The following ERICH6B variants were observed in gnomAD, a reference collection of about 807,000 sequenced individuals.
ERICH6B encodes glutamate rich 6B.
ERICH6B carries 69 observed loss-of-function variants against 80.0 expected under a neutral mutation model. The observed-to-expected ratio is 0.86, with a 90% CI of 0.71 to 1.05. ERICH6B has a LOEUF of 1.05. Among genes scored for constraint, ERICH6B ranks in the 50% least tolerant of loss-of-function variants. The pLI, the probability that ERICH6B is intolerant of heterozygous loss-of-function variation, is 0.00. For missense variants in ERICH6B, 754 were observed against 796.1 expected (o/e 0.95, Z 0.64); for synonymous variants, 283 against 291.9 (o/e 0.97, Z 0.31).
intron 13 of ERICH6B, 64 bp from the exon 14 acceptor site, chr13:45,545,049 T>A: frequency 7.7e-7 from 1 of 1,294,438 alleles, no homozygotes; most frequent in Non-Finnish European, 1.1e-6. Flanking sequence ...GCTCCTCCTC[T>A]TCTCCTTCCC....
chr13:45,583,739 G>T (rs1477421578), intron 5 of ERICH6B, among the ~76,000 whole-genome samples: 3 of 152,136 alleles, frequency 2.0e-5, no homozygotes, highest in Non-Finnish European at 4.4e-5. Context: ...CTTTCGTTTG[G>T]TTCTCAGTTC....
At chr13:45,547,037 T>C (rs1218351478) in intron 13 of ERICH6B, among the ~76,000 whole-genome samples, 2 of 152,202 alleles carry the variant, frequency 1.3e-5, no homozygotes, top group Non-Finnish European at 2.9e-5. Flanking sequence ...AACAAAAACC[T>C]GGGCTCTGGA....
At chr13:45,554,526 C>A (rs909567115) in intron 11 of ERICH6B, among the ~76,000 whole-genome samples, 11 of 152,186 alleles carry the variant, frequency 7.2e-5, no homozygotes, top group African/African-American at 2.2e-4. Flanking sequence ...TCTTGAGATG[C>A]TTTCTGTTCG....
Position 45,596,506 on chromosome 13 carries a change from TC to T in ERICH6B, c.499del (p.Glu167ArgfsTer10). The T allele has an allele frequency of 6.4e-7, 1 of 1,551,676 alleles. No homozygotes were observed. The highest frequency in any genetic ancestry group is 8.7e-7 in the Non-Finnish European group (1 of 1,146,618). ...ATATGATTTCTTCCCCAGATACTCCTCCTCCTCCAGATACGCTTTCTTCCCC... is the reference window on the plus strand; with the variant it reads ...ATATGATTTCTTCCCCAGATACTCCTCTCCTCCAGATACGCTTTCTTCCCC... ...YLGKKAYLEEEEYLGKKSYLE... is the reference protein window; with the variant it reads ...YLGKKAYLEEXEYLGKKSYLE... On this transcript the variant is annotated frameshift_variant, in exon 3 of 15. Coordinates refer to ENST00000298738, the MANE Select transcript of ERICH6B (RefSeq NM_182542.3). LOFTEE classifies it high-confidence loss of function.
intron 14 of ERICH6B, among the ~76,000 whole-genome samples, chr13:45,542,595 C>T (rs966295004): frequency 9.2e-5 from 14 of 152,214 alleles, no homozygotes; most frequent in African/African-American, 2.4e-4. Context: ...CCTGCAGCCT[C>T]GCTGGGCACC....
intron 13 of ERICH6B, among the ~76,000 whole-genome samples, chr13:45,548,808 A>G (rs1325775272): frequency 6.6e-6 from 1 of 152,202 alleles, no homozygotes; most frequent in Non-Finnish European, 1.5e-5. Context: ...TCTATACACA[A>G]GGCATTCAGG....
intron 9 of ERICH6B, 43 bp downstream of exon 9, chr13:45,568,272 C>T (rs1443291280): frequency 6.7e-7 from 1 of 1,490,350 alleles, no homozygotes; most frequent in South Asian, 1.4e-5. Context: ...CTCTGGCATA[C>T]CCAAATCCAC....
rs908138160 is a variant in ERICH6B, at chr13:45,596,484, T to A, written c.522A>T (p.Ser174=). Reference sequence around the variant, plus strand: ...CCAGAGCCTTTTCCTCTTCTAGATATGATTTCTTCCCCAGATACTCCTCCT... The same window carrying A: ...CCAGAGCCTTTTCCTCTTCTAGATAAGATTTCTTCCCCAGATACTCCTCCT... The part of the protein sequence containing the change: ...LEEEEYLGKK[S]YLEEEKALEK... The change falls in exon 3 of 15, where the codon TCA becomes TCT. Residue 174 remains serine, a synonymous_variant. Coordinates refer to ENST00000298738, the MANE Select transcript of ERICH6B (RefSeq NM_182542.3). 8 of 1,551,452 alleles carry A rather than the reference T, an allele frequency of 5.2e-6. No homozygotes were observed. The highest frequency in any genetic ancestry group is 3.9e-5 in the Admixed American group (2 of 50,970).
chr13:45,573,773 T>C (rs1416893311), intron 8 of ERICH6B, among the ~76,000 whole-genome samples: 3 of 152,206 alleles, frequency 2.0e-5, no homozygotes, highest in African/African-American at 7.2e-5. Flanking sequence ...TGCCACCTGA[T>C]ATAGCAAAAC....
chr13:45,546,960 C>T (rs1874018146), intron 13 of ERICH6B, among the ~76,000 whole-genome samples: 1 of 152,188 alleles, frequency 6.6e-6, no homozygotes, highest in Non-Finnish European at 1.5e-5. Context: ...GCCTGTCCAA[C>T]CTCATTCCTC....
In ERICH6B at chr13:45,569,607, A is replaced by G. The variant is rs1875065099; in HGVS notation, c.1051-1156T>C. ...CATGTTCCCTGTTCTTTGCTTACCA[A>G]CAGGTTGAGATTGCTGTTGTTCAAT... On this transcript the variant is annotated intron_variant, in intron 8 of 14. Coordinates refer to ENST00000298738, the MANE Select transcript of ERICH6B (RefSeq NM_182542.3). 2.0e-5 allele frequency among the ~76,000 whole-genome samples: 3 copies of G among 152,198 alleles called. No homozygotes were observed. In the South Asian group the frequency reaches 6.2e-4, roughly 31 times the overall value.
intron 5 of ERICH6B, among the ~76,000 whole-genome samples, chr13:45,581,916 C>G (rs1875690319): frequency 6.6e-6 from 1 of 152,222 alleles, no homozygotes; most frequent in Non-Finnish European, 1.5e-5. Context: ...AGAAAACTCA[C>G]TGTGCCATGG....
In ERICH6B at chr13:45,596,551, A is replaced by T. The variant is rs757644433; in HGVS notation, c.455T>A (p.Ile152Asn). 2 of 1,550,876 alleles carry T rather than the reference A, an allele frequency of 1.3e-6. No homozygotes were observed. The highest frequency in any genetic ancestry group is 2.7e-5 in the African/African-American group (2 of 72,834). ...KEGYLEKEDY[I>N]EEVDYLGKKA... is the part of the protein sequence containing the mutation. Reference sequence around the variant, plus strand: ...CTTCCCCAGATAATCTACCTCCTCAATATAATCTTCCTTCTCCAGATACCC... The same window carrying T: ...CTTCCCCAGATAATCTACCTCCTCATTATAATCTTCCTTCTCCAGATACCC... Residue 152 changes from isoleucine to asparagine, a missense_variant, in exon 3 of 15, where the codon ATT (isoleucine) becomes AAT (asparagine). Ile to Asn is a moderately radical substitution (Grantham distance 149). Transcript: ENST00000298738.
intron 2 of ERICH6B, among the ~76,000 whole-genome samples, chr13:45,601,958 A>T (rs115716365): frequency 1.3e-5 from 2 of 152,172 alleles, no homozygotes; most frequent in South Asian, 4.1e-4. Flanking sequence ...ATTATTGCAC[A>T]CTTATTCCTA....
intron 2 of ERICH6B, among the ~76,000 whole-genome samples, chr13:45,604,222 G>A (rs73187638): frequency 7.1e-4 from 108 of 152,346 alleles, no homozygotes; most frequent in Non-Finnish European, 1.4e-3. Context: ...AGGGGAAGGG[G>A]GCTCCTGCCC....
intron 11 of ERICH6B, among the ~76,000 whole-genome samples, chr13:45,558,261 G>A (rs1001292600): frequency 6.6e-6 from 1 of 152,154 alleles, no homozygotes; most frequent in Non-Finnish European, 1.5e-5. Context: ...GTAGAGGAGA[G>A]CTACTGATTT....
intron 1 of ERICH6B, among the ~76,000 whole-genome samples, chr13:45,612,063 T>C (rs555212077): frequency 8.5e-5 from 13 of 152,368 alleles, no homozygotes; most frequent in African/African-American, 3.1e-4. Flanking sequence ...TACAGGTATT[T>C]ACATGGATTG....
intron 13 of ERICH6B, among the ~76,000 whole-genome samples, chr13:45,546,728 C>T (rs1033356730): frequency 6.6e-6 from 1 of 152,126 alleles, no homozygotes; most frequent in African/African-American, 2.4e-5. Context: ...TGTTTGGTTT[C>T]CAGCTCCCTC....
rs1874797080 is a variant in ERICH6B at position 45,563,758 on chromosome 13, T to C, written c.1218A>G (p.Glu406=). Residue 406 remains glutamate, a synonymous_variant, in exon 10 of 15, where the codon GAA becomes GAG. Transcript: ENST00000298738. ...GTCTCCTCTTAATCCGTAAGATTGT[T>C]TCCTTGAACTTTTCATAATTTTTCT... is the stretch of plus-strand genomic sequence containing the variant. ...MLKKNYEKFK[E]TILRIKRRRE... is the part of the protein sequence containing the mutation. 1.3e-6 allele frequency: 2 copies of C among 1,552,194 alleles called. No homozygotes were observed. Among genetic ancestry groups the C allele is most frequent in the African/African-American group, 1.4e-5 (1 of 73,038 alleles).
Sources: allele counts gnomAD v4.1 joint callset (sites outside exome capture counted in the v4.1 genomes callset), GRCh38; gene constraint gnomAD v4.1.1; transcripts MANE v1.5; gene names NCBI Gene and HGNC (gene_info 2026-07-23, HGNC 2026-07-21).